Variants in NUP98 observed in about 807,000 individuals in gnomAD.
NUP98 encodes the protein nuclear pore complex protein Nup98-Nup96.
A neutral mutation model predicts 191.9 loss-of-function variants in NUP98; 26 were observed. The observed-to-expected ratio is 0.14, with a 90% CI of 0.10 to 0.19. The LOEUF (loss-of-function observed/expected upper bound fraction) is 0.19, where lower values mean the gene tolerates loss of function less well. Ranked by LOEUF, NUP98 falls within the 10% of genes least tolerant of loss-of-function variation. NUP98 has a pLI of 1.00. For missense variants in NUP98, 1,941 were observed against 2,178.8 expected, an observed-to-expected ratio of 0.89 and a Z score of 2.17; for synonymous variants, 808 against 778.4, an observed-to-expected ratio of 1.04 and a Z score of -0.63.
At chr11:3,684,454 C>T (rs759275615) in intron 29 of NUP98, among the ~76,000 whole-genome samples, 25 of 152,076 alleles carry the variant, frequency 1.6e-4, no homozygotes, top group Non-Finnish European at 3.5e-4. Context: ...ACTGTCATCA[C>T]AACTGCCTCC....
intron 8 of NUP98, among the ~76,000 whole-genome samples, chr11:3,767,309 A>G (rs2081370859): frequency 6.6e-6 from 1 of 151,544 alleles, no homozygotes; most frequent in South Asian, 2.1e-4. Context: ...TTTTGAAGAC[A>G]TGGCGGTACA....
intron 10 of NUP98, among the ~76,000 whole-genome samples, 163 bp from the exon 11 acceptor site, chr11:3,753,571 T>C (rs1248838820): frequency 6.6e-6 from 1 of 151,632 alleles, no homozygotes; most frequent in South Asian, 2.1e-4. Context: ...ATTTCACATA[T>C]GCAAACAAGT....
intron 18 of NUP98, among the ~76,000 whole-genome samples, chr11:3,718,567 G>T (rs2079270985): frequency 6.6e-6 from 1 of 151,670 alleles, no homozygotes; most frequent in Non-Finnish European, 1.5e-5. Flanking sequence ...AAAGAAAGAA[G>T]AGAAAGGGAA....
chr11:3,767,987 G>A (rs1392598166), intron 8 of NUP98, among the ~76,000 whole-genome samples: 1 of 152,020 alleles, frequency 6.6e-6, no homozygotes, highest in Non-Finnish European at 1.5e-5. Context: ...ATAGCTTTAA[G>A]AGGGCCAAGT....
intron 24 of NUP98, 80 bp from the exon 25 acceptor site, chr11:3,699,428 G>T: frequency 6.8e-7 from 1 of 1,468,654 alleles, no homozygotes; most frequent in Non-Finnish European, 9.4e-7. Flanking sequence ...TAACTGTGAT[G>T]TTAAAAATAC....
chr11:3,723,254 C>T lies in NUP98; in HGVS notation c.2049G>A (p.Gly683=), dbSNP rs1429978802. The change falls in exon 16 of 33, where the codon GGG becomes GGA. Residue 683 remains glycine, a synonymous_variant. Coordinates refer to ENST00000324932, the MANE Select transcript of NUP98 (RefSeq NM_016320.5). The part of the protein sequence containing the change: ...ALNMRAALRN[G]LEGSSEETSF... ...ACGTTTCTTCACTGCTTCCTTCCAG[C>T]CCATTTCGCAAAGCAGCACGCATGT... 1.2e-6 allele frequency: 2 copies of T among 1,614,032 alleles called. No homozygotes were observed. The highest frequency in any genetic ancestry group is 2.7e-5 in the African/African-American group (2 of 74,918).
chr11:3,724,581 C>G (rs1054418076), intron 15 of NUP98, among the ~76,000 whole-genome samples: 2 of 151,802 alleles, frequency 1.3e-5, no homozygotes, highest in Non-Finnish European at 1.5e-5. Flanking sequence ...CACTTGAGGT[C>G]AGGAGCTCGA....
intron 14 of NUP98, among the ~76,000 whole-genome samples, chr11:3,729,118 TAA>T (rs1203172151): frequency 2.6e-5 from 4 of 152,046 alleles, no homozygotes; most frequent in Admixed American, 2.6e-4. Flanking sequence ...TTTAGTTTGG[TAA>T]AGAGGTCTGG....
At chr11:3,711,458 T>A (rs1162863357) in intron 20 of NUP98, 1 of 152,308 alleles carries the variant, frequency 6.6e-6, no homozygotes, top group African/African-American at 2.4e-5. Context: ...TGTCCATAAA[T>A]GAAGCTTTTC....
chr11:3,756,725 T>G (rs2080970726), intron 10 of NUP98, among the ~76,000 whole-genome samples: 1 of 152,104 alleles, frequency 6.6e-6, no homozygotes, highest in African/African-American at 2.4e-5. Flanking sequence ...CTCGGCTTGT[T>G]TTTGTTTTTT....
In NUP98 at chr11:3,744,640, G is replaced by C. The variant is rs1449151117; in HGVS notation, c.1277C>G (p.Ala426Gly). ...LGAGFGTALG[A>G]GQASLFGNNQ... Reference sequence around the variant, plus strand: ...GTTCCCAAACAAAGATGCCTGTCCAGCACCAAGAGCTACGGAGACAAGAGG... The same window carrying C: ...GTTCCCAAACAAAGATGCCTGTCCACCACCAAGAGCTACGGAGACAAGAGG... The change falls in exon 12 of 33, where the codon GCT (alanine) becomes GGT (glycine). Residue 426 changes from alanine (A) to glycine (G), a missense_variant. Around this residue, in one of 6 missense-constraint regions of NUP98, gnomAD observed 453 missense variants for 438.2 expected, o/e 1.03. Coordinates refer to ENST00000324932, the MANE Select transcript of NUP98 (RefSeq NM_016320.5). 1 of 1,610,008 alleles carries C rather than the reference G, an allele frequency of 6.2e-7. No individual in the cohort carries two copies. Among genetic ancestry groups the C allele is most frequent in the South Asian group, 1.1e-5 (1 of 90,516 alleles).
chr11:3,757,677 T>C (rs2081020114), intron 10 of NUP98, among the ~76,000 whole-genome samples: 1 of 151,708 alleles, frequency 6.6e-6, no homozygotes, highest in Admixed American at 6.6e-5. Context: ...TGCATGCCTG[T>C]AATCCCAGCT....
chr11:3,767,665 G>A (rs780113667), intron 8 of NUP98, among the ~76,000 whole-genome samples: 49 of 152,002 alleles, frequency 3.2e-4, no homozygotes, highest in Non-Finnish European at 6.2e-4. Context: ...ATTTTAAGAC[G>A]AGGTAAATTC....
intron 12 of NUP98, among the ~76,000 whole-genome samples, chr11:3,740,687 T>C (rs924015196): frequency 2.0e-4 from 31 of 152,130 alleles, no homozygotes; most frequent in African/African-American, 7.2e-4. Context: ...GAATCTGACA[T>C]TCTAACATTT....
chr11:3,781,904 C>T (rs1419855266), intron 2 of NUP98, 138 bp downstream of exon 2: 1 of 524,138 alleles, frequency 1.9e-6, no homozygotes, highest in Non-Finnish European at 3.4e-6. Flanking sequence ...AGATCTTATC[C>T]TAATTATTTT....
intron 11 of NUP98, among the ~76,000 whole-genome samples, chr11:3,752,303 G>A (rs546084060): frequency 4.6e-5 from 7 of 150,740 alleles, no homozygotes; most frequent in Non-Finnish European, 1.0e-4. Context: ...GATCACCTGA[G>A]GTCAGGAGTT....
chr11:3,753,437 T>G, intron 10 of NUP98, 29 bp from the exon 11 acceptor site: 1 of 1,528,772 alleles, frequency 6.5e-7, no homozygotes, highest in East Asian at 2.3e-5. Context: ...GAGTGGATTG[T>G]ACTTTTAATA....
chr11:3,684,378 C>T (rs1047454001), intron 29 of NUP98, among the ~76,000 whole-genome samples: 9 of 152,104 alleles, frequency 5.9e-5, no homozygotes, highest in African/African-American at 2.2e-4. Context: ...AAGTCATTTA[C>T]TTTCAGATCA....
chr11:3,688,820 C>CATATATATATATATATATATATAT (rs71041372), intron 28 of NUP98, among the ~76,000 whole-genome samples: 4 of 136,268 alleles, frequency 2.9e-5, no homozygotes, highest in African/African-American at 1.1e-4. Flanking sequence ...TTTAAATATA[C>CATATATATATATATATATATATAT]ATATATATAT....
Sources: gnomAD v4.1 joint callset for allele counts (sites outside exome capture counted in the v4.1 genomes callset) on GRCh38, gnomAD v4.1.1 for gene constraint, gnomAD v4.1.1 regional missense constraint, MANE v1.5 for transcripts, NCBI Gene and HGNC (gene_info 2026-07-23, HGNC 2026-07-21) for gene names.